PSD3: variants seen among roughly 807,000 people sequenced by gnomAD.
The protein encoded by PSD3 is pleckstrin and Sec7 domain containing 3.
PSD3 carries 49 observed loss-of-function variants against 105.5 expected under a neutral mutation model. That is an observed-to-expected ratio of 0.46 (90% CI 0.37 to 0.59). The LOEUF (loss-of-function observed/expected upper bound fraction) is 0.59. Among genes scored for constraint, PSD3 ranks in the 20% least tolerant of loss-of-function variants. PSD3 has a pLI of 0.00. For missense variants in PSD3, 1,561 were observed against 1,263.8 expected (o/e 1.24, Z -3.57); for synonymous variants, 557 against 457.8 (o/e 1.22, Z -2.77).
At chr8:18,956,646 T>G (rs1823590739) in intron 1 of PSD3, among the ~76,000 whole-genome samples, 1 of 152,178 alleles carries the variant, frequency 6.6e-6, no homozygotes, top group African/African-American at 2.4e-5. Context: ...GACCACTTAT[T>G]TTGTTTTGTT....
At chr8:18,942,046 A>T (rs1201280664) in intron 1 of PSD3, among the ~76,000 whole-genome samples, 1 of 152,184 alleles carries the variant, frequency 6.6e-6, no homozygotes, top group East Asian at 1.9e-4. Context: ...GCTACAGGCA[A>T]ATTTTAGAAG....
chr8:18,836,996 A>T (rs985560693), intron 4 of PSD3, among the ~76,000 whole-genome samples: 1 of 151,616 alleles, frequency 6.6e-6, no homozygotes, highest in African/African-American at 2.4e-5. Context: ...GCTCAAATCA[A>T]GTTTTGTTTC....
chr8:18,733,956 G>C (rs1803960556), intron 9 of PSD3: 2 of 152,222 alleles, frequency 1.3e-5, no homozygotes, highest in African/African-American at 2.4e-5. Flanking sequence ...GAAAGGAACT[G>C]AGAAGCTATG....
intron 14 of PSD3, among the ~76,000 whole-genome samples, chr8:18,564,628 CAAA>C (rs59766811): frequency 1.2e-4 from 13 of 112,332 alleles, no homozygotes; most frequent in Admixed American, 1.8e-4. Context: ...GACCTTGTCT[CAAA>C]AAAAAAAAAA....
chr8:18,716,501 A>T (rs747297524), intron 9 of PSD3, among the ~76,000 whole-genome samples: 6 of 152,164 alleles, frequency 3.9e-5, no homozygotes, highest in Non-Finnish European at 5.9e-5. Context: ...TGGTGTATTC[A>T]CACAGCAGCA....
chr8:19,075,675 A>C (rs1829443827), intron 1 of PSD3, among the ~76,000 whole-genome samples: 1 of 152,238 alleles, frequency 6.6e-6, no homozygotes, highest in Admixed American at 6.5e-5. Flanking sequence ...ATGTGCAGAT[A>C]GTAACTTGGA....
chr8:18,729,386 T>C (rs894390412), intron 9 of PSD3, among the ~76,000 whole-genome samples: 1 of 152,216 alleles, frequency 6.6e-6, no homozygotes, highest in Non-Finnish European at 1.5e-5. Flanking sequence ...CATTAGTCCA[T>C]ACTCAATACC....
rs553437830 is a variant in PSD3, at chr8:18,814,020, T to C, written c.1635-9122A>G. Among the ~76,000 whole-genome samples the C allele has an allele frequency of 1.2e-3, 183 of 152,344 alleles. 2 individuals are homozygous for C. The highest frequency in any genetic ancestry group is 8.5e-3 in the South Asian group (41 of 4,832). On this transcript the variant is annotated intron_variant, in intron 4 of 15. Coordinates refer to ENST00000327040, the MANE Select transcript of PSD3 (RefSeq NM_015310.4). The stretch of plus-strand genomic sequence containing the variant: ...CATACAAATGTTAGTTAGCGCTCAG[T>C]AGGAATACTTAGGACAAACGTCTCA...
At chr8:18,684,149 A>C (rs1800529241) in intron 9 of PSD3, 1 of 416,676 alleles carries the variant, frequency 2.4e-6, no homozygotes, top group Non-Finnish European at 4.4e-6. Flanking sequence ...AGCTCACGTC[A>C]CTGGCTGCAA....
chr8:18,765,274 A>G (rs1271779727), intron 9 of PSD3, among the ~76,000 whole-genome samples, 175 bp downstream of exon 9: 6 of 152,196 alleles, frequency 3.9e-5, no homozygotes, highest in Non-Finnish European at 7.4e-5. Flanking sequence ...GAAATTATCA[A>G]CTTAAGGTAC....
rs1827328128 is a variant in PSD3 at position 19,020,485 on chromosome 8, G to A, written c.324+63721C>T. ...GTGCCTAGGGCTGAGTGAGCCAGGT[G>A]AAAGGTATTCAGAGATGTCGTAAGT... On this transcript the variant is annotated intron_variant, in intron 1 of 1. Coordinates refer to the PSD3 transcript ENST00000521475. 2.0e-5 allele frequency among the ~76,000 whole-genome samples: 3 copies of A among 152,080 alleles called. No individual in the cohort carries two copies. In the South Asian group the frequency reaches 6.2e-4, roughly 32 times the overall value.
rs536813831 is a variant in PSD3 at position 18,758,715 on chromosome 8, CCTT to C, written c.2172+6731_2172+6733del. 9.9e-5 allele frequency among the ~76,000 whole-genome samples: 15 copies of C among 152,116 alleles called. No individual in the cohort carries two copies. The East Asian group carries it at 2.5e-3, about 25-fold the overall frequency. ...ATCTTTTGAGTCTGTTTAAATTCTA[CCTT>C]CTTGGCTAATTACTCCATCATTTTC... On this transcript the variant is annotated intron_variant, in intron 9 of 15. Transcript: ENST00000327040.
In PSD3 at chr8:18,632,762, T is replaced by G. The variant is rs763169834; in HGVS notation, c.2261A>C (p.Glu754Ala). 1 of 1,603,540 alleles carries G rather than the reference T, an allele frequency of 6.2e-7. No homozygotes were observed. Among genetic ancestry groups the G allele is most frequent in the South Asian group, 1.1e-5 (1 of 90,076 alleles). ...CTTTGGATGTGTTCCGTTAGCTTTC[T>G]CCTCAGTACTTTCTGAGGGAGACTT... is the stretch of plus-strand genomic sequence containing the variant. ...KKKSPSESTEEKANGTHPKTI... is the reference protein window; with the variant it reads ...KKKSPSESTEAKANGTHPKTI... The change falls in exon 11 of 16, where the codon GAG becomes GCG. Residue 754 changes from glutamate (E) to alanine (A), a missense_variant. By Grantham distance (107) the Glu-to-Ala change is moderately radical. Coordinates refer to ENST00000327040, the MANE Select transcript of PSD3 (RefSeq NM_015310.4).
chr8:18,574,070 A>G (rs1802327724), intron 13 of PSD3, among the ~76,000 whole-genome samples: 2 of 152,202 alleles, frequency 1.3e-5, no homozygotes, highest in South Asian at 4.1e-4. Flanking sequence ...AGCACTTAAT[A>G]AATATTTGCA....
intron 4 of PSD3, among the ~76,000 whole-genome samples, chr8:18,851,052 C>T (rs752953400): frequency 1.3e-5 from 2 of 152,144 alleles, no homozygotes; most frequent in South Asian, 2.1e-4. Flanking sequence ...CCTTGGCCTG[C>T]GAAGCATCAA....
At chr8:18,830,696 G>T (rs1813613194) in intron 4 of PSD3, among the ~76,000 whole-genome samples, 1 of 152,208 alleles carries the variant, frequency 6.6e-6, no homozygotes, top group Non-Finnish European at 1.5e-5. Context: ...TAAAAAGACT[G>T]CAGCATAACC....
At chr8:19,009,222 A>C (rs1020411059) in intron 1 of PSD3, among the ~76,000 whole-genome samples, 1 of 152,188 alleles carries the variant, frequency 6.6e-6, no homozygotes, top group Non-Finnish European at 1.5e-5. Flanking sequence ...TAAGCCAACA[A>C]ATGTATAATG....
intron 11 of PSD3, among the ~76,000 whole-genome samples, chr8:18,613,934 G>A (rs1326238337): frequency 6.6e-6 from 1 of 152,182 alleles, no homozygotes; most frequent in Non-Finnish European, 1.5e-5. Flanking sequence ...CTCCACCCAT[G>A]ATAATTCCTT....
chr8:18,726,289 C>G (rs1215969313), intron 9 of PSD3, among the ~76,000 whole-genome samples: 1 of 152,166 alleles, frequency 6.6e-6, no homozygotes, highest in Non-Finnish European at 1.5e-5. Context: ...AATAAGCAGC[C>G]AGAGACATTA....
Sources: allele counts gnomAD v4.1 joint callset (sites outside exome capture counted in the v4.1 genomes callset), GRCh38; gene constraint gnomAD v4.1.1; transcripts MANE v1.5; gene names NCBI Gene and HGNC (gene_info 2026-07-23, HGNC 2026-07-21).